The following NDUFAF6 variants were observed in gnomAD, a reference collection of about 807,000 sequenced individuals.
The protein encoded by NDUFAF6 is NADH dehydrogenase (ubiquinone) complex I, assembly factor 6.
NDUFAF6 carries 45 observed loss-of-function variants against 40.8 expected under a neutral mutation model. The ratio of observed to expected loss-of-function variants is 1.10; its 90% CI spans 0.87 to 1.42. NDUFAF6 has a LOEUF of 1.42. Ranked by LOEUF, NDUFAF6 falls within the 40% of genes most tolerant of loss-of-function variation. NDUFAF6 has a pLI of 0.00. For missense variants in NDUFAF6, 435 were observed against 418.5 expected, an observed-to-expected ratio of 1.04 and a Z score of -0.34; for synonymous variants, 185 against 155.9, an observed-to-expected ratio of 1.19 and a Z score of -1.39.
intron 2 of NDUFAF6, among the ~76,000 whole-genome samples, chr8:94,985,912 C>T (rs1484145942): frequency 6.7e-6 from 1 of 149,400 alleles, no homozygotes. Context: ...CTCACTCTAT[C>T]GCCCAGGCTG....
At chr8:94,910,756 G>C (rs923690859) in intron 1 of NDUFAF6, among the ~76,000 whole-genome samples, 31 of 152,000 alleles carry the variant, frequency 2.0e-4, no homozygotes, top group Middle Eastern at 3.2e-3. Context: ...TGAAAATCAG[G>C]GTTCCAATTT....
intron 1 of NDUFAF6, among the ~76,000 whole-genome samples, chr8:94,944,964 G>A (rs1821861758): frequency 6.6e-6 from 1 of 152,156 alleles, no homozygotes; most frequent in African/African-American, 2.4e-5. Flanking sequence ...AGGAGCTATT[G>A]GAGAGACCCT....
chr8:94,935,608 CCT>C (rs1255577642), intron 1 of NDUFAF6, among the ~76,000 whole-genome samples: 2 of 152,138 alleles, frequency 1.3e-5, no homozygotes, highest in Non-Finnish European at 2.9e-5. Flanking sequence ...GAACCAAAGG[CCT>C]CTCCTACACA....
At chr8:94,906,075 G>A (rs560283949) in intron 1 of NDUFAF6, among the ~76,000 whole-genome samples, 4 of 152,118 alleles carry the variant, frequency 2.6e-5, no homozygotes, top group South Asian at 2.1e-4. Flanking sequence ...CATCTCACAC[G>A]TGCACGTGAA....
At chr8:95,032,582 C>CT (rs752068467) in intron 2 of NDUFAF6, among the ~76,000 whole-genome samples, 40 of 152,152 alleles carry the variant, frequency 2.6e-4, no homozygotes, top group Non-Finnish European at 5.6e-4. Context: ...GAGAGATCCT[C>CT]TTTTTTCTTC....
intron 1 of NDUFAF6, among the ~76,000 whole-genome samples, chr8:94,921,184 C>T (rs1051866531): frequency 1.3e-5 from 2 of 152,240 alleles, no homozygotes; most frequent in African/African-American, 4.8e-5. Flanking sequence ...GTCATCTCCC[C>T]TTCTGTCCTT....
At chr8:95,061,252 T>A (rs1563847178), downstream of NDUFAF6, among the ~76,000 whole-genome samples, 1 of 152,238 alleles carries the variant, frequency 6.6e-6, no homozygotes, top group Non-Finnish European at 1.5e-5. Context: ...TGAATTAAGA[T>A]CAGAGACTTG....
chr8:94,949,608 G>T (rs1023475413), intron 2 of NDUFAF6, among the ~76,000 whole-genome samples: 1 of 151,942 alleles, frequency 6.6e-6, no homozygotes, highest in African/African-American at 2.4e-5. Flanking sequence ...AAGGGTGGGA[G>T]AGAGGGGCTA....
intron 2 of NDUFAF6, among the ~76,000 whole-genome samples, chr8:95,033,564 A>C (rs1478184203): frequency 6.6e-6 from 1 of 152,234 alleles, no homozygotes; most frequent in Admixed American, 6.5e-5. Context: ...GAACAAATAA[A>C]TCATTGTGTA....
At chr8:94,931,798 C>G (rs1212034935) in intron 1 of NDUFAF6, among the ~76,000 whole-genome samples, 1 of 152,014 alleles carries the variant, frequency 6.6e-6, no homozygotes, top group Non-Finnish European at 1.5e-5. Context: ...ATGGTGAAAC[C>G]CCATCTCTAC....
chr8:95,031,348 G>A (rs1828815325), intron 1 of NDUFAF6, among the ~76,000 whole-genome samples: 1 of 152,132 alleles, frequency 6.6e-6, no homozygotes, highest in African/African-American at 2.4e-5. Context: ...CTGTATATCT[G>A]TCTATATGTC....
intron 1 of NDUFAF6, among the ~76,000 whole-genome samples, chr8:94,979,426 A>G (rs939467287): frequency 3.3e-5 from 5 of 152,068 alleles, no homozygotes; most frequent in African/African-American, 1.2e-4. Flanking sequence ...AAAAGTGGCT[A>G]TATTGTCTTT....
intron 1 of NDUFAF6, among the ~76,000 whole-genome samples, chr8:95,025,502 C>G (rs904507732): frequency 1.3e-5 from 2 of 152,228 alleles, no homozygotes; most frequent in African/African-American, 4.8e-5. Flanking sequence ...CTTTGTTATT[C>G]ACAGAACGTC....
At chr8:94,988,977 T>A (rs1183159727) in intron 2 of NDUFAF6, 1 of 152,210 alleles carries the variant, frequency 6.6e-6, no homozygotes, top group East Asian at 1.9e-4. Context: ...ATGTACAGAA[T>A]AGCTAAATCT....
chr8:94,940,927 C>G, intron 1 of NDUFAF6: 2 of 1,613,614 alleles, frequency 1.2e-6, no homozygotes, highest in South Asian at 2.2e-5. Flanking sequence ...ACATTTTATT[C>G]AGCCTCTGGA....
At chr8:94,904,320 CTTTTTTTTTTTTTTTTTTTTT>C (rs57749627) in intron 1 of NDUFAF6, among the ~76,000 whole-genome samples, 6 of 34,132 alleles carry the variant, frequency 1.8e-4, no homozygotes, top group Middle Eastern at 0.02. Context: ...ATTTTTTTTG[CTTTTTTTTTTTTTTTTTTTTT>C]TTTTTTTTTT....
chr8:94,939,650 G>T, intron 1 of NDUFAF6: 1 of 629,606 alleles, frequency 1.6e-6, no homozygotes, highest in Non-Finnish European at 2.7e-6. Context: ...TGCCTGCCTT[G>T]GCCTCCCAAA....
At chr8:95,031,525 G>A (rs1348082091) in intron 1 of NDUFAF6, among the ~76,000 whole-genome samples, 1 of 152,166 alleles carries the variant, frequency 6.6e-6, no homozygotes, top group African/African-American at 2.4e-5. Context: ...TGGCATTGGG[G>A]TACATTTTTC....
At chr8:94,948,485 C>G (rs1227604086) in intron 2 of NDUFAF6, among the ~76,000 whole-genome samples, 1 of 152,182 alleles carries the variant, frequency 6.6e-6, no homozygotes, top group African/African-American at 2.4e-5. Flanking sequence ...AGTCAGGTAG[C>G]GAAGACTGAG....
Sources: gnomAD v4.1 joint callset for allele counts (sites outside exome capture counted in the v4.1 genomes callset) on GRCh38, gnomAD v4.1.1 for gene constraint, MANE v1.5 for transcripts, NCBI Gene and HGNC (gene_info 2026-07-23, HGNC 2026-07-21) for gene names.